The following PSMA5 variants were observed in gnomAD, a reference collection of about 807,000 sequenced individuals.
PSMA5 encodes proteasome subunit alpha type-5.
Under a neutral mutation model 34.5 loss-of-function variants are expected in PSMA5, and 3 were observed. The observed-to-expected ratio is 0.09, with a 90% CI of 0.04 to 0.22. The LOEUF (loss-of-function observed/expected upper bound fraction) is 0.22. PSMA5 is among the 10% of genes least tolerant of loss of function. PSMA5 has a pLI of 1.00. For missense variants in PSMA5, 120 were observed against 286.1 expected (o/e 0.42, Z 4.19); for synonymous variants, 88 against 95.8 (o/e 0.92, Z 0.47).
chr1:109,416,263 A>T (rs1654194127), intron 2 of PSMA5, among the ~76,000 whole-genome samples: 2 of 152,210 alleles, frequency 1.3e-5, no homozygotes, highest in African/African-American at 4.8e-5. Flanking sequence ...TCTCTCAAGA[A>T]TTAACATCAC....
chr1:109,426,420 C>T lies in PSMA5; in HGVS notation c.-90G>A, dbSNP rs1417446019. 5 of 1,525,954 alleles carry T rather than the reference C, an allele frequency of 3.3e-6. No individual in the cohort carries two copies. In the East Asian group the frequency reaches 6.7e-5, roughly 21 times the overall value. The allele number at this position is 1,525,954 out of a possible 1,614,324, so 94.5% of individuals were successfully genotyped here. On this transcript the variant is annotated 5_prime_UTR_variant, in exon 1 of 9. Transcript: ENST00000271308. Reference sequence around the variant, plus strand: ...CCCAACTCACCGGCAGCCAACTCACCCACACGGCCGCAGTACTAAGGACCA... The same window carrying T: ...CCCAACTCACCGGCAGCCAACTCACTCACACGGCCGCAGTACTAAGGACCA...
intron 8 of PSMA5, among the ~76,000 whole-genome samples, chr1:109,403,488 AG>A (rs1023815251): frequency 1.4e-4 from 21 of 150,984 alleles, no homozygotes; most frequent in African/African-American, 4.9e-4. Flanking sequence ...AAAAACTAGC[AG>A]GGGGTGTAGC....
At chr1:109,420,200 A>G (rs1654384465) in intron 2 of PSMA5, among the ~76,000 whole-genome samples, 1 of 152,028 alleles carries the variant, frequency 6.6e-6, no homozygotes, top group South Asian at 2.1e-4. Context: ...ATTTAGTTAT[A>G]CTAATGTAAC....
At chr1:109,424,637 G>T (rs965991615) in intron 1 of PSMA5, among the ~76,000 whole-genome samples, 1 of 151,922 alleles carries the variant, frequency 6.6e-6, no homozygotes, top group East Asian at 2.0e-4. Flanking sequence ...TTAGCCGGGC[G>T]TGGTGGCACC....
intron 1 of PSMA5, 136 bp from the exon 2 acceptor site, chr1:109,422,062 A>G (rs1373074488): frequency 5.7e-6 from 3 of 526,926 alleles, no homozygotes; most frequent in Non-Finnish European, 9.6e-6. Flanking sequence ...CGCCCACAAC[A>G]ATCTGTAGCA....
intron 8 of PSMA5, among the ~76,000 whole-genome samples, chr1:109,403,534 G>A (rs1200358323): frequency 6.6e-6 from 1 of 152,060 alleles, no homozygotes; most frequent in Non-Finnish European, 1.5e-5. Context: ...GGAGGCTGAG[G>A]TGGGAGAATT....
intron 2 of PSMA5, among the ~76,000 whole-genome samples, chr1:109,416,726 A>T (rs1431236023): frequency 6.6e-6 from 1 of 152,216 alleles, no homozygotes; most frequent in East Asian, 1.9e-4. Flanking sequence ...TTAAATGTAC[A>T]CCAGCTTTTT....
Position 109,426,442 on chromosome 1 carries a change from A to T in PSMA5, c.-112T>A, listed in dbSNP as rs992545450. On this transcript the variant is annotated 5_prime_UTR_variant, in exon 1 of 9. Transcript: ENST00000271308. Reference sequence around the variant, plus strand: ...CACCCACACGGCCGCAGTACTAAGGACCAACTGCGCGTGCGACCGCGACCT... The same window carrying T: ...CACCCACACGGCCGCAGTACTAAGGTCCAACTGCGCGTGCGACCGCGACCT... The T allele has an allele frequency of 2.9e-5, 40 of 1,374,354 alleles. No individual in the cohort carries two copies. The South Asian group carries it at 3.8e-4, about 13-fold the overall frequency. 85.1% of individuals were successfully genotyped at this position (1,374,354 alleles called of 1,614,324 possible).
At chr1:109,424,475 A>C (rs113243130) in intron 1 of PSMA5, among the ~76,000 whole-genome samples, 174 of 152,192 alleles carry the variant, frequency 1.1e-3, no homozygotes, top group African/African-American at 3.9e-3. Flanking sequence ...TGTACCTGTA[A>C]ACAATTCTTT....
intron 7 of PSMA5, 47 bp from the exon 8 acceptor site, chr1:109,410,061 C>T (rs755414779): frequency 1.9e-5 from 23 of 1,225,052 alleles, no homozygotes; most frequent in East Asian, 4.7e-5. Flanking sequence ...ATGCACAATC[C>T]GTCCTTCCTT....
Position 109,412,965 on chromosome 1 carries a change from T to A in PSMA5, c.291+103A>T. On this transcript the variant is annotated intron_variant, in intron 4 of 8. Coordinates refer to ENST00000271308, the MANE Select transcript of PSMA5 (RefSeq NM_002790.4). ...CCCAAAATTACTCCCAAGAGCCACA[T>A]CTAATATTGACACAGGTACCTGCAG... The A allele has an allele frequency of 5.2e-6, 5 of 967,410 alleles. No individual in the cohort carries two copies. In the South Asian group the frequency reaches 5.8e-5, roughly 11 times the overall value. 59.9% of individuals were successfully genotyped at this position (967,410 alleles called of 1,614,324 possible).
intron 1 of PSMA5, among the ~76,000 whole-genome samples, chr1:109,422,298 A>G (rs945550640): frequency 6.6e-6 from 1 of 152,066 alleles, no homozygotes; most frequent in Admixed American, 6.5e-5. Flanking sequence ...ATTTTTCCTT[A>G]TCCTCTTCCC....
Position 109,411,899 on chromosome 1 carries a change from C to T in PSMA5, c.436G>A (p.Val146Ile). The change falls in exon 6 of 9, where the codon GTT (valine) becomes ATT (isoleucine). Residue 146 changes from valine (V) to isoleucine (I), a missense_variant. Physicochemically the swap from Val to Ile is conservative, Grantham distance 29. Transcript: ENST00000271308. Reference sequence around the variant, plus strand: ...TACAGCTGGGGTCCTTTCTCATCAACTCCTCCAAATAATAATGCTACTCCA... The same window carrying T: ...TACAGCTGGGGTCCTTTCTCATCAATTCCTCCAAATAATAATGCTACTCCA... ...PFGVALLFGGVDEKGPQLFHM... is the reference protein window; with the variant it reads ...PFGVALLFGGIDEKGPQLFHM... 1 of 1,613,144 alleles carries T rather than the reference C, an allele frequency of 6.2e-7. No homozygotes were observed. Among genetic ancestry groups the T allele is most frequent in the Non-Finnish European group, 8.5e-7 (1 of 1,179,136 alleles).
At chr1:109,413,671 A>G (rs1654089359) in intron 3 of PSMA5, among the ~76,000 whole-genome samples, 1 of 152,200 alleles carries the variant, frequency 6.6e-6, no homozygotes. Context: ...CCATGGCTCA[A>G]ATCTAAATCT....
intron 2 of PSMA5, among the ~76,000 whole-genome samples, chr1:109,419,785 T>A (rs1249517626): frequency 1.6e-5 from 2 of 126,126 alleles, no homozygotes; most frequent in African/African-American, 3.4e-5. Context: ...GGTGAGAGAG[T>A]GAGACTCCGT....
chr1:109,420,899 G>A (rs1654411086), intron 2 of PSMA5, among the ~76,000 whole-genome samples: 3 of 151,776 alleles, frequency 2.0e-5, no homozygotes, highest in Admixed American at 1.3e-4. Flanking sequence ...TCCAGTCCAC[G>A]CCAGGTGTGG....
At position 109,422,002 on chromosome 1, in the gene PSMA5, A is replaced by C. The variant is rs942019158; in HGVS notation, c.30-76T>G. ...AGACACTGAATTCAAGTTCCTTGACAACTAGCTCAGATAGCTACAGAATAC... is the reference window on the plus strand; with the variant it reads ...AGACACTGAATTCAAGTTCCTTGACCACTAGCTCAGATAGCTACAGAATAC... On this transcript the variant is annotated intron_variant, in intron 1 of 8. Coordinates refer to ENST00000271308, the MANE Select transcript of PSMA5 (RefSeq NM_002790.4). 3 of 877,330 alleles carry C rather than the reference A, an allele frequency of 3.4e-6. No individual in the cohort carries two copies. The African/African-American group carries it at 5.4e-5, about 16-fold the overall frequency. The allele number at this position is 877,330 out of a possible 1,614,324, so 54.3% of individuals were successfully genotyped here.
chr1:109,403,494 T>TAC (rs1402886013), intron 8 of PSMA5, among the ~76,000 whole-genome samples: 21 of 148,190 alleles, frequency 1.4e-4, no homozygotes, highest in African/African-American at 5.0e-4. Context: ...TAGCAGGGGG[T>TAC]GTAGCAAACG....
intron 8 of PSMA5, among the ~76,000 whole-genome samples, chr1:109,405,627 CAG>C (rs913893879): frequency 6.6e-6 from 1 of 151,956 alleles, no homozygotes; most frequent in African/African-American, 2.4e-5. Flanking sequence ...TTATTAGAGA[CAG>C]GGGTTTCACC....
Sources: allele counts gnomAD v4.1 joint callset (sites outside exome capture counted in the v4.1 genomes callset), GRCh38; gene constraint gnomAD v4.1.1; transcripts MANE v1.5; gene names NCBI Gene and HGNC (gene_info 2026-07-23, HGNC 2026-07-21).